Variants in RASGRF2 observed in about 807,000 individuals in gnomAD.
The protein encoded by RASGRF2 is ras-specific guanine nucleotide-releasing factor 2.
A neutral mutation model predicts 151.0 loss-of-function variants in RASGRF2; 76 were observed. The observed-to-expected ratio is 0.50, with a 90% CI of 0.42 to 0.61. RASGRF2 has a LOEUF of 0.61. Among genes scored for constraint, RASGRF2 ranks in the 20% least tolerant of loss-of-function variants. The pLI, the probability that RASGRF2 is intolerant of heterozygous loss-of-function variation, is 0.00. For missense variants in RASGRF2, 1,148 were observed against 1,564.6 expected, an observed-to-expected ratio of 0.73 and a Z score of 4.49; for synonymous variants, 504 against 566.5, an observed-to-expected ratio of 0.89 and a Z score of 1.57.
intron 17 of RASGRF2, among the ~76,000 whole-genome samples, chr5:81,160,427 T>A (rs961675456): frequency 2.0e-5 from 3 of 148,600 alleles, no homozygotes; most frequent in Non-Finnish European, 3.0e-5. Context: ...TCAAAAAAAA[T>A]AATAATAGCT....
intron 1 of RASGRF2, among the ~76,000 whole-genome samples, chr5:81,042,635 A>G (rs1380223614): frequency 6.6e-6 from 1 of 152,236 alleles, no homozygotes; most frequent in Non-Finnish European, 1.5e-5. Context: ...ATAGAAAGGT[A>G]CATTAAAGGA....
At chr5:81,135,674 T>C (rs529375134) in intron 17 of RASGRF2, among the ~76,000 whole-genome samples, 1 of 152,338 alleles carries the variant, frequency 6.6e-6, no homozygotes, top group East Asian at 1.9e-4. Flanking sequence ...TATTTATCCA[T>C]TCATGAGCTA....
chr5:81,073,401 C>G lies in RASGRF2; in HGVS notation c.836C>G (p.Ser279Cys). 6.2e-7 allele frequency: 1 copy of G among 1,614,148 alleles called. No homozygotes were observed. The highest frequency in any genetic ancestry group is 8.5e-7 in the Non-Finnish European group (1 of 1,180,038). Reference protein sequence around the residue: ...FLRPLRMAASSKKPPISHDDV... With the variant: ...FLRPLRMAASCKKPPISHDDV... The stretch of plus-strand genomic sequence containing the variant: ...CGGCCCCTGCGTATGGCCGCCAGCT[C>G]CAAGAAGCCCCCCATCAGCCACGAC... The change falls in exon 5 of 27, where the codon TCC becomes TGC. Residue 279 changes from serine (S) to cysteine (C), a missense_variant. Transcript: ENST00000265080.
chr5:80,991,724 G>A (rs970946990), intron 1 of RASGRF2, among the ~76,000 whole-genome samples: 1 of 152,200 alleles, frequency 6.6e-6, no homozygotes, highest in Non-Finnish European at 1.5e-5. Context: ...ATACAAAAAA[G>A]TAGTTGCTCT....
chr5:80,979,274 A>G (rs1748225040), intron 1 of RASGRF2, among the ~76,000 whole-genome samples: 1 of 152,238 alleles, frequency 6.6e-6, no homozygotes, highest in African/African-American at 2.4e-5. Context: ...TTCTGGAATG[A>G]AAGTACAATC....
At chr5:81,069,209 G>A (rs923727117) in intron 3 of RASGRF2, among the ~76,000 whole-genome samples, 2 of 152,268 alleles carry the variant, frequency 1.3e-5, no homozygotes, top group East Asian at 1.9e-4. Context: ...CATCACCTCC[G>A]GTGTTGAGAG....
chr5:81,080,015 T>C (rs1752041626), intron 5 of RASGRF2, 106 bp from the exon 6 acceptor site: 2 of 1,393,240 alleles, frequency 1.4e-6, no homozygotes, highest in Admixed American at 6.3e-5. Flanking sequence ...GGAGGCCCTA[T>C]GGGACATATA....
intron 1 of RASGRF2, among the ~76,000 whole-genome samples, chr5:81,001,867 T>A (rs1749091618): frequency 6.6e-6 from 1 of 152,206 alleles, no homozygotes; most frequent in Non-Finnish European, 1.5e-5. Context: ...AAATCTATGT[T>A]AAATAGAAGG....
intron 3 of RASGRF2, among the ~76,000 whole-genome samples, chr5:81,068,427 T>C (rs934240935): frequency 7.2e-5 from 11 of 151,882 alleles, no homozygotes; most frequent in Admixed American, 3.9e-4. Context: ...GGTTATTTGT[T>C]CTCCTGATAC....
chr5:81,011,373 T>TA (rs1410715681), intron 1 of RASGRF2, among the ~76,000 whole-genome samples: 1 of 152,232 alleles, frequency 6.6e-6, no homozygotes, highest in Admixed American at 6.5e-5. Flanking sequence ...CTTCTTTTTT[T>TA]ACCATTAAAC....
In RASGRF2 at chr5:81,199,831, G is replaced by A. The variant is rs569461831; in HGVS notation, c.2794-1499G>A. On this transcript the variant is annotated intron_variant, in intron 18 of 26. Transcript: ENST00000265080. Reference sequence around the variant, plus strand: ...GAGAATCACTTGAACCCGGGAAGCGGAGGTTGCAGTGAGCCGAGATCACGT... The same window carrying A: ...GAGAATCACTTGAACCCGGGAAGCGAAGGTTGCAGTGAGCCGAGATCACGT... Among the ~76,000 whole-genome samples, 500 of 150,476 alleles carry A rather than the reference G, an allele frequency of 3.3e-3. 1 individual carries two copies. The highest frequency in any genetic ancestry group is 0.02 in the South Asian group (97 of 4,746).
intron 7 of RASGRF2, among the ~76,000 whole-genome samples, chr5:81,084,033 G>T (rs988225802): frequency 9.2e-5 from 14 of 152,208 alleles, no homozygotes; most frequent in Admixed American, 7.9e-4. Context: ...TCGTTTGCCT[G>T]CTTTTTGGCA....
rs34067957 is a variant in RASGRF2, at chr5:81,194,179, T to TAAAA, written c.2794-7136_2794-7133dup. ...GGCAGCATAGAGAGAGCCCCATCTC[T>TAAAA]AAAAAAAAAAAAAAAAAATCTTAAA... On this transcript the variant is annotated intron_variant, in intron 18 of 26. Coordinates refer to ENST00000265080, the MANE Select transcript of RASGRF2 (RefSeq NM_006909.3). Among the ~76,000 whole-genome samples, 52 of 131,030 alleles carry TAAAA rather than the reference T, an allele frequency of 4.0e-4. No homozygotes were observed. The East Asian group carries it at 9.5e-3, about 24-fold the overall frequency. 86.0% of individuals were successfully genotyped at this position (131,030 alleles called of 152,430 possible). A position where few individuals can be genotyped will look rare whatever the true frequency, so the allele number is the denominator to read the frequency against.
chr5:80,992,512 T>A (rs1305979853), intron 1 of RASGRF2, among the ~76,000 whole-genome samples: 2 of 152,158 alleles, frequency 1.3e-5, no homozygotes, highest in Non-Finnish European at 2.9e-5. Flanking sequence ...GGAGATACAA[T>A]CAGGTTCTTA....
At chr5:81,224,659 T>C (rs1755931869) in intron 26 of RASGRF2, among the ~76,000 whole-genome samples, 1 of 152,182 alleles carries the variant, frequency 6.6e-6, no homozygotes, top group African/African-American at 2.4e-5. Flanking sequence ...GATGAATGGA[T>C]AAACAAATTA....
rs551943463 is a variant in RASGRF2, at chr5:81,228,875, T to C, written c.*3105T>C. 5.9e-5 allele frequency: 9 copies of C among 152,342 alleles called. No homozygotes were observed. The highest frequency in any genetic ancestry group is 2.2e-4 in the African/African-American group (9 of 41,586). The allele number at this position is 152,342 out of a possible 1,614,324, so 9.4% of individuals were successfully genotyped here. On this transcript the variant is annotated 3_prime_UTR_variant, in exon 27 of 27. Coordinates refer to ENST00000265080, the MANE Select transcript of RASGRF2 (RefSeq NM_006909.3). The stretch of plus-strand genomic sequence containing the variant: ...CAAGTGGCTCTCATACCAAGTCCCA[T>C]TACTGTTTGTTAAATTTCAGTACGT...
intron 17 of RASGRF2, 24 bp downstream of exon 17, chr5:81,127,187 C>T: frequency 6.3e-7 from 1 of 1,596,766 alleles, no homozygotes; most frequent in Non-Finnish European, 8.6e-7. Flanking sequence ...CAGCTATGTA[C>T]AGATATGTGA....
chr5:81,078,634 T>C (rs1240493267), intron 5 of RASGRF2, among the ~76,000 whole-genome samples: 1 of 152,252 alleles, frequency 6.6e-6, no homozygotes, highest in Non-Finnish European at 1.5e-5. Context: ...AATTAAGCCC[T>C]AGGCAGCTCA....
chr5:80,978,865 G>A (rs936448845), intron 1 of RASGRF2, among the ~76,000 whole-genome samples: 1 of 152,124 alleles, frequency 6.6e-6, no homozygotes, highest in African/African-American at 2.4e-5. Flanking sequence ...ATACTTTACT[G>A]AATATTACAT....
Sources: allele counts gnomAD v4.1 joint callset (sites outside exome capture counted in the v4.1 genomes callset), GRCh38; gene constraint gnomAD v4.1.1; transcripts MANE v1.5; gene names NCBI Gene and HGNC (gene_info 2026-07-23, HGNC 2026-07-21).